The following ERCC6L variants were observed in gnomAD, a reference collection of about 807,000 sequenced individuals.
The protein encoded by ERCC6L is ERCC excision repair 6 like, spindle assembly checkpoint helicase.
ERCC6L carries 7 observed loss-of-function variants against 20.1 expected under a neutral mutation model. The ratio of observed to expected loss-of-function variants is 0.35; its 90% CI spans 0.20 to 0.65. The LOEUF (loss-of-function observed/expected upper bound fraction) is 0.65, where lower values mean the gene tolerates loss of function less well. Ranked by LOEUF, ERCC6L falls within the 30% of genes least tolerant of loss-of-function variation. The probability of loss-of-function intolerance (pLI) is 0.69; values close to 1 mark genes in which losing one functional copy is unlikely to be tolerated. For synonymous variants in ERCC6L, 278 were observed against 331.3 expected, an observed-to-expected ratio of 0.84 and a Z score of 1.75; for missense variants, 592 against 892.4, an observed-to-expected ratio of 0.66 and a Z score of 4.29.
chrX:72,230,251 T>C (rs543527391), intron 1 of ERCC6L, among the ~76,000 whole-genome samples: 1 of 110,312 alleles, frequency 9.1e-6, no homozygotes. Context: ...TATCCCACAA[T>C]TCCAAACTCC....
intron 1 of ERCC6L, among the ~76,000 whole-genome samples, chrX:72,229,284 G>GTA (rs771824090): frequency 2.7e-5 from 3 of 111,519 alleles, no homozygotes; most frequent in Admixed American, 1.9e-4. Context: ...TAACTACCCA[G>GTA]TATCACCTGA....
chrX:72,206,226 T>C lies in ERCC6L; in HGVS notation c.2541A>G (p.Thr847=), dbSNP rs138817796. The C allele has an allele frequency of 2.3e-5, 28 of 1,208,670 alleles. No homozygotes were observed. The African/African-American group carries it at 4.0e-4, about 17-fold the overall frequency. Residue 847 remains threonine (T), a synonymous_variant, in exon 2 of 2, where the codon ACA becomes ACG. Coordinates refer to ENST00000334463, the MANE Select transcript of ERCC6L (RefSeq NM_017669.4). ...ATKNEAVQKE[T]LQEGPKQEAL... is the part of the protein sequence containing the mutation. ...CCTCTTGCTTAGGCCCCTCTTGTAA[T>C]GTCTCTTTTTGTACAGCTTCATTTT...
intron 1 of ERCC6L, among the ~76,000 whole-genome samples, chrX:72,215,935 A>G (rs759995894): frequency 9.1e-6 from 1 of 110,370 alleles, no homozygotes; most frequent in Non-Finnish European, 1.9e-5. Flanking sequence ...CTCCATCCAC[A>G]TATCCCCTAT....
At chrX:72,218,118 A>C (rs965928887) in intron 1 of ERCC6L, among the ~76,000 whole-genome samples, 2 of 109,875 alleles carry the variant, frequency 1.8e-5, no homozygotes, top group Non-Finnish European at 3.8e-5. Flanking sequence ...AAAATACAAA[A>C]AATTAGCTGG....
chrX:72,207,467 C>T lies in ERCC6L; in HGVS notation c.1300G>A (p.Asp434Asn). 1 of 1,210,798 alleles carries T rather than the reference C, an allele frequency of 8.3e-7. No individual in the cohort carries two copies. Among genetic ancestry groups the T allele is most frequent in the Non-Finnish European group, 1.1e-6 (1 of 894,799 alleles). ...GGGGAATCTTCCCCCTCATTTCCAT[C>T]TTGAGCAGAGAATGTCCCAAGATTT... Reference protein sequence around the residue: ...LLNLGTFSAQDGNEGEDSPDV... With the variant: ...LLNLGTFSAQNGNEGEDSPDV... Residue 434 changes from aspartate (D) to asparagine (N), a missense_variant, in exon 2 of 2, where the codon GAT becomes AAT. Around this residue, in one of 3 missense-constraint regions of ERCC6L, gnomAD observed 196 missense variants for 440.1 expected, o/e 0.45. Transcript: ENST00000334463.
intron 1 of ERCC6L, among the ~76,000 whole-genome samples, chrX:72,213,887 T>A (rs1167336809): frequency 2.7e-5 from 3 of 111,580 alleles, no homozygotes; most frequent in African/African-American, 9.8e-5. Flanking sequence ...CCCACCACTA[T>A]CTTGGGAGCT....
chrX:72,226,787 C>T (rs966799377), intron 1 of ERCC6L, among the ~76,000 whole-genome samples: 11 of 111,539 alleles, frequency 9.9e-5, no homozygotes, highest in Middle Eastern at 4.6e-3. Context: ...CTAATCACAG[C>T]GGGGGCACAA....
chrX:72,229,595 G>A (rs1184591714), intron 1 of ERCC6L, among the ~76,000 whole-genome samples: 1 of 111,525 alleles, frequency 9.0e-6, no homozygotes, highest in Non-Finnish European at 1.9e-5. Flanking sequence ...ACAAAGGCCT[G>A]TTCTTTTTGT....
intron 1 of ERCC6L, among the ~76,000 whole-genome samples, chrX:72,220,680 C>A (rs745322031): frequency 1.8e-5 from 2 of 110,260 alleles, no homozygotes; most frequent in South Asian, 7.9e-4. Flanking sequence ...ATTCCAACCC[C>A]GCCATAAAAC....
At chrX:72,209,512 C>A in intron 1 of ERCC6L, among the ~76,000 whole-genome samples, 1 of 112,011 alleles carries the variant, frequency 8.9e-6, no homozygotes, top group Non-Finnish European at 1.9e-5. Flanking sequence ...TGACCCCAAC[C>A]TAAATAGGAG....
At chrX:72,224,746 AAAAC>A (rs1014408205) in intron 1 of ERCC6L, among the ~76,000 whole-genome samples, 3 of 111,391 alleles carry the variant, frequency 2.7e-5, no homozygotes, top group East Asian at 2.8e-4. Context: ...ACTCTGTCTC[AAAAC>A]AAACAAACAA....
chrX:72,225,415 C>G (rs945237573), intron 1 of ERCC6L, among the ~76,000 whole-genome samples: 9 of 111,724 alleles, frequency 8.1e-5, no homozygotes, highest in Non-Finnish European at 3.8e-5. Flanking sequence ...ATTCAACACA[C>G]CACCAGGCTT....
At chrX:72,225,748 G>T (rs1469312045) in intron 1 of ERCC6L, among the ~76,000 whole-genome samples, 1 of 110,878 alleles carries the variant, frequency 9.0e-6, no homozygotes, top group African/African-American at 3.3e-5. Flanking sequence ...CACCAAAAAC[G>T]TGCCTTATTA....
intron 1 of ERCC6L, among the ~76,000 whole-genome samples, chrX:72,215,669 G>T (rs184419385): frequency 8.4e-4 from 93 of 111,288 alleles, no homozygotes; most frequent in African/African-American, 2.7e-3. Context: ...TTCATAACAC[G>T]CTGCGATTTG....
rs749542997 is a variant in ERCC6L, at chrX:72,238,948, TTTGGAGC to T, written c.-44_-38del. ...TGGGTTCCAGTTACCCCGGCGGGAGTTTGGAGCTTGGAGCTTGGAGCTTGGAGCTTGG... is the reference window on the plus strand; with the variant it reads ...TGGGTTCCAGTTACCCCGGCGGGAGTTTGGAGCTTGGAGCTTGGAGCTTGG... On this transcript the variant is annotated 5_prime_UTR_variant, in exon 1 of 2. Transcript: ENST00000334463. The T allele has an allele frequency of 1.0e-3, 1,129 of 1,113,264 alleles. 3 individuals carry two copies. In the African/African-American group the frequency reaches 0.014, roughly 14 times the overall value. The allele number at this position is 1,113,264 out of a possible 1,213,427, so 91.7% of individuals were successfully genotyped here. A position where few individuals can be genotyped will look rare whatever the true frequency, so the allele number is the denominator to read the frequency against.
At chrX:72,217,883 C>T (rs1249688745) in intron 1 of ERCC6L, among the ~76,000 whole-genome samples, 2 of 111,950 alleles carry the variant, frequency 1.8e-5, no homozygotes, top group Non-Finnish European at 3.8e-5. Context: ...TATGCAAGTA[C>T]CACACTGTCT....
chrX:72,234,158 T>C (rs1341212424), intron 1 of ERCC6L, among the ~76,000 whole-genome samples: 1 of 111,982 alleles, frequency 8.9e-6, no homozygotes, highest in African/African-American at 3.2e-5. Flanking sequence ...ACTTAAGTAT[T>C]TCAGCGTGAA....
In ERCC6L at chrX:72,214,752, C is replaced by T. The variant is rs143939525; in HGVS notation, c.69-6054G>A. Among the ~76,000 whole-genome samples the T allele has an allele frequency of 6.9e-3, 756 of 110,338 alleles. 4 individuals carry two copies. The highest frequency in any genetic ancestry group is 0.011 in the Non-Finnish European group (600 of 52,893). On this transcript the variant is annotated intron_variant, in intron 1 of 1. Coordinates refer to ENST00000334463, the MANE Select transcript of ERCC6L (RefSeq NM_017669.4). ...CTGTAATCCTAGCACTTTGGGAGGC[C>T]GAGGTGGGCAGATCACTTGAGGTCA...
Position 72,205,015 on chromosome X carries a change from C to T in ERCC6L, c.3752G>A (p.Ter1251=), listed in dbSNP as rs1343048635. Residue 1251 remains the stop codon, a stop_retained_variant, in exon 2 of 2, where the codon TGA becomes TAA. Coordinates refer to ENST00000334463, the MANE Select transcript of ERCC6L (RefSeq NM_017669.4). ...LSLYKQLNNN[*] ...AAATACAATAAACAGGTTACATTCT[C>T]AATTGTTATTAAGTTGCTTATACAA... 2.5e-6 allele frequency: 3 copies of T among 1,178,855 alleles called. No individual in the cohort carries two copies. Among genetic ancestry groups the T allele is most frequent in the Non-Finnish European group, 3.4e-6 (3 of 877,407 alleles).
Sources: gnomAD v4.1 joint callset for allele counts (sites outside exome capture counted in the v4.1 genomes callset) on GRCh38, gnomAD v4.1.1 for gene constraint, gnomAD v4.1.1 regional missense constraint, MANE v1.5 for transcripts, NCBI Gene and HGNC (gene_info 2026-07-23, HGNC 2026-07-21) for gene names.